BMPR1A: variants seen among roughly 807,000 people sequenced by gnomAD.
The protein encoded by BMPR1A is bone morphogenetic protein receptor type-1A.
In BMPR1A, 7 loss-of-function variants were observed where a neutral mutation model predicts 66.0. The ratio of observed to expected loss-of-function variants is 0.11; its 90% CI spans 0.06 to 0.20. BMPR1A has a LOEUF of 0.20. BMPR1A is among the 10% of genes least tolerant of loss of function. The pLI is 1.00. For missense variants in BMPR1A, 408 were observed against 669.1 expected (o/e 0.61, Z 4.31); for synonymous variants, 200 against 229.7 (o/e 0.87, Z 1.17).
chr10:86,786,801 C>A (rs774990676), intron 1 of BMPR1A, among the ~76,000 whole-genome samples: 52 of 152,220 alleles, frequency 3.4e-4, no homozygotes, highest in Non-Finnish European at 6.6e-4. Flanking sequence ...CTAAAGGGAA[C>A]TTATTCTTCC....
intron 1 of BMPR1A, among the ~76,000 whole-genome samples, chr10:86,800,087 A>G (rs1404876753): frequency 6.6e-6 from 1 of 152,216 alleles, no homozygotes; most frequent in East Asian, 1.9e-4. Context: ...GCCTGTAGGC[A>G]TGTTTTTGGC....
At chr10:86,888,237 G>GT (rs930105893) in intron 3 of BMPR1A, among the ~76,000 whole-genome samples, 2 of 151,628 alleles carry the variant, frequency 1.3e-5, no homozygotes, top group African/African-American at 4.9e-5. Flanking sequence ...ACTGAGGCAA[G>GT]TGGATCACTT....
chr10:86,826,561 A>G (rs1242529637), intron 1 of BMPR1A, among the ~76,000 whole-genome samples: 10 of 152,100 alleles, frequency 6.6e-5, no homozygotes, highest in South Asian at 2.1e-4. Context: ...TCCTTTTCTT[A>G]TATAAGCAGT....
At chr10:86,799,805 T>A (rs1353374695) in intron 1 of BMPR1A, among the ~76,000 whole-genome samples, 2 of 152,166 alleles carry the variant, frequency 1.3e-5, no homozygotes, top group Non-Finnish European at 2.9e-5. Context: ...CCCAGCGTGC[T>A]GTGATTACAA....
At chr10:86,905,958 A>G (rs1267834260) in intron 7 of BMPR1A, among the ~76,000 whole-genome samples, 4 of 152,204 alleles carry the variant, frequency 2.6e-5, no homozygotes, top group Non-Finnish European at 5.9e-5. Context: ...TATCACTTTC[A>G]GCACTCTCCA....
Position 86,785,386 on chromosome 10 carries a change from A to G in BMPR1A, c.-268+28467A>G, listed in dbSNP as rs548983950. ...AGTGGTGGGAACTCAGCCCACCGCA[A>G]TCTGCGCCTCCTGGGTTCAAGTGAT... On this transcript the variant is annotated intron_variant, in intron 1 of 12. Transcript: ENST00000372037. 1.5e-4 allele frequency among the ~76,000 whole-genome samples: 23 copies of G among 152,294 alleles called. No homozygotes were observed. The South Asian group carries it at 3.3e-3, about 22-fold the overall frequency.
At chr10:86,886,158 G>T (rs1159035054) in intron 3 of BMPR1A, among the ~76,000 whole-genome samples, 1 of 152,188 alleles carries the variant, frequency 6.6e-6, no homozygotes, top group African/African-American at 2.4e-5. Flanking sequence ...GGTGGCGAGA[G>T]ATTGACATGT....
chr10:86,795,630 C>T (rs940874407), intron 1 of BMPR1A, among the ~76,000 whole-genome samples: 1 of 152,146 alleles, frequency 6.6e-6, no homozygotes, highest in Non-Finnish European at 1.5e-5. Flanking sequence ...GCCACTATGT[C>T]TTCAACCCTT....
At chr10:86,857,150 CCTTT>C (rs1224103175) in intron 2 of BMPR1A, among the ~76,000 whole-genome samples, 1 of 152,146 alleles carries the variant, frequency 6.6e-6, no homozygotes, top group Non-Finnish European at 1.5e-5. Context: ...AGTGTTCTCT[CCTTT>C]CTTCCTTAGA....
chr10:86,855,911 G>A (rs183271934), intron 2 of BMPR1A: 3 of 662,394 alleles, frequency 4.5e-6, no homozygotes, highest in Admixed American at 2.4e-5. Context: ...AAACTGGCTA[G>A]GATTGTTGAT....
At chr10:86,799,428 T>A (rs73348016) in intron 1 of BMPR1A, among the ~76,000 whole-genome samples, 6,292 of 152,206 alleles carry the variant, frequency 0.041, 160 homozygotes, top group South Asian at 0.099. Flanking sequence ...GATAACTACT[T>A]TTTTTCATGA....
At chr10:86,809,613 C>CTTTTTTT (rs1564691704) in intron 1 of BMPR1A, among the ~76,000 whole-genome samples, 14 of 106,652 alleles carry the variant, frequency 1.3e-4, no homozygotes, top group East Asian at 5.1e-4. Context: ...TTTTTTTTTT[C>CTTTTTTT]TCTTTTTTCT....
intron 1 of BMPR1A, among the ~76,000 whole-genome samples, chr10:86,817,311 T>C (rs1842048659): frequency 6.6e-6 from 1 of 152,214 alleles, no homozygotes; most frequent in African/African-American, 2.4e-5. Context: ...TGATCTTGAC[T>C]ACTAAGTACG....
At chr10:86,795,593 G>A (rs543936866) in intron 1 of BMPR1A, among the ~76,000 whole-genome samples, 1 of 152,216 alleles carries the variant, frequency 6.6e-6, no homozygotes, top group East Asian at 1.9e-4. Flanking sequence ...GTTCAGAGAA[G>A]CAATAGTGAG....
At chr10:86,836,988 T>G (rs1842358063) in intron 1 of BMPR1A, among the ~76,000 whole-genome samples, 1 of 152,166 alleles carries the variant, frequency 6.6e-6, no homozygotes, top group African/African-American at 2.4e-5. Context: ...TTTGTACATG[T>G]GGGAAAACAG....
At chr10:86,855,098 A>C (rs1468086503) in intron 2 of BMPR1A, 6 of 257,742 alleles carry the variant, frequency 2.3e-5, no homozygotes, top group Admixed American at 2.1e-4. Flanking sequence ...ACGCCCAGCT[A>C]ATTATTGTAT....
In BMPR1A at chr10:86,767,730, T is replaced by C. The variant is rs7090039; in HGVS notation, c.-268+10811T>C. Among the ~76,000 whole-genome samples, 3,916 of 151,422 alleles carry C rather than the reference T, an allele frequency of 0.026. 172 individuals are homozygous for C. The highest frequency in any genetic ancestry group is 0.091 in the African/African-American group (3,720 of 40,838). On this transcript the variant is annotated intron_variant, in intron 1 of 12. Transcript: ENST00000372037. ...GAAACATTTGAGAATAGCTTTTTTT[T>C]CCTCCTGAACTCCCTTGTCTGCCTA...
chr10:86,768,356 A>G (rs1244674038), intron 1 of BMPR1A, among the ~76,000 whole-genome samples: 2 of 152,226 alleles, frequency 1.3e-5, no homozygotes, highest in Admixed American at 1.3e-4. Context: ...GAAGTGGATT[A>G]TGCTATTAAA....
intron 1 of BMPR1A, among the ~76,000 whole-genome samples, chr10:86,800,321 T>C (rs1304145773): frequency 6.6e-6 from 1 of 152,134 alleles, no homozygotes; most frequent in Non-Finnish European, 1.5e-5. Flanking sequence ...TTTCTTCATA[T>C]AGTGAGCCGA....
Sources: allele counts gnomAD v4.1 joint callset (sites outside exome capture counted in the v4.1 genomes callset), GRCh38; gene constraint gnomAD v4.1.1; transcripts MANE v1.5; gene names NCBI Gene and HGNC (gene_info 2026-07-23, HGNC 2026-07-21).